Variants in OR51B5 observed in about 807,000 individuals in gnomAD.
OR51B5 encodes olfactory receptor 51B5.
For synonymous variants in OR51B5, 186 were observed against 144.8 expected (o/e 1.28, Z -2.04); for missense variants, 456 against 374.6 (o/e 1.22, Z -1.79).
chr11:5,459,803 A>G (rs903945394), intron 1 of OR51B5, among the ~76,000 whole-genome samples: 1 of 152,206 alleles, frequency 6.6e-6, no homozygotes, highest in Non-Finnish European at 1.5e-5. Flanking sequence ...TAGTTCAACC[A>G]TTGTGGAAAG....
chr11:5,422,233 C>T (rs780102596), intron 1 of OR51B5: 9 of 1,612,654 alleles, frequency 5.6e-6, no homozygotes, highest in African/African-American at 2.7e-5. Flanking sequence ...CACAAGAAGG[C>T]ATCTACTTCA....
chr11:5,455,420 T>C (rs1850936998), intron 1 of OR51B5: 1 of 151,940 alleles, frequency 6.6e-6, no homozygotes, highest in African/African-American at 2.4e-5. Context: ...AAATAATTCT[T>C]TCAGACCTTC....
chr11:5,383,244 G>A (rs1294621145), intron 1 of OR51B5, among the ~76,000 whole-genome samples: 1 of 152,146 alleles, frequency 6.6e-6, no homozygotes, highest in Non-Finnish European at 1.5e-5. Context: ...ACACTGACCT[G>A]GACATTTGTT....
intron 1 of OR51B5, among the ~76,000 whole-genome samples, chr11:5,492,525 T>C (rs1851595887): frequency 6.6e-6 from 1 of 152,166 alleles, no homozygotes; most frequent in Non-Finnish European, 1.5e-5. Context: ...GAGTTGGAAC[T>C]TAATTGGTCC....
chr11:5,375,129 G>C (rs1353807900), intron 1 of OR51B5, among the ~76,000 whole-genome samples: 1 of 148,648 alleles, frequency 6.7e-6, no homozygotes, highest in Non-Finnish European at 1.5e-5. Flanking sequence ...ACTAACAGCA[G>C]CTCTCTTGGC....
intron 1 of OR51B5, among the ~76,000 whole-genome samples, chr11:5,364,757 G>A (rs540853009): frequency 6.6e-6 from 1 of 152,126 alleles, no homozygotes; most frequent in Non-Finnish European, 1.5e-5. Context: ...AAAGTCCCTT[G>A]TTTACAGGGT....
At chr11:5,500,052 A>G (rs569242477) in intron 1 of OR51B5, among the ~76,000 whole-genome samples, 1 of 152,340 alleles carries the variant, frequency 6.6e-6, no homozygotes, top group East Asian at 1.9e-4. Flanking sequence ...TGAGCTCACA[A>G]TCCCGGCCCT....
chr11:5,391,817 G>A (rs1425314776), intron 1 of OR51B5: 1 of 152,302 alleles, frequency 6.6e-6, no homozygotes, highest in Non-Finnish European at 1.5e-5. Flanking sequence ...CTGAAGGCCA[G>A]GAGTTTGAGA....
chr11:5,410,906 T>G (rs1468113030), intron 1 of OR51B5, among the ~76,000 whole-genome samples: 2 of 151,332 alleles, frequency 1.3e-5, no homozygotes, highest in African/African-American at 4.8e-5. Context: ...AAGAAAAAAA[T>G]ATTTCTGTAC....
chr11:5,468,698 T>C (rs1445866545), intron 1 of OR51B5: 1 of 456,464 alleles, frequency 2.2e-6, no homozygotes, highest in Admixed American at 2.3e-5. Context: ...CACACATGTG[T>C]TGAGTGTCTT....
At chr11:5,342,808 A>G (rs1215226151) in exon 1 of OR51B5, 2 of 1,613,524 alleles carry the variant, frequency 1.2e-6, no homozygotes, top group Non-Finnish European at 1.7e-6. Flanking sequence ...TATGGGAGAC[A>G]CAGGTAATGA....
At chr11:5,386,024 C>G (rs1849690344) in intron 1 of OR51B5, among the ~76,000 whole-genome samples, 1 of 151,440 alleles carries the variant, frequency 6.6e-6, no homozygotes. Flanking sequence ...TAGTACATTA[C>G]AGGTACTACG....
intron 1 of OR51B5, among the ~76,000 whole-genome samples, chr11:5,358,303 A>C (rs1040183717): frequency 5.9e-5 from 9 of 152,238 alleles, no homozygotes; most frequent in Middle Eastern, 3.4e-3. Context: ...AAAAATGATA[A>C]AGGGTATATC....
At chr11:5,422,372 C>T (rs751404953) in intron 1 of OR51B5, 5 of 1,614,006 alleles carry the variant, frequency 3.1e-6, no homozygotes, top group South Asian at 2.2e-5. Flanking sequence ...GCCATCTGTC[C>T]ACCAGCGCAT....
chr11:5,488,517 GA>G (rs1851528793), intron 1 of OR51B5, among the ~76,000 whole-genome samples: 5 of 152,144 alleles, frequency 3.3e-5, no homozygotes, highest in African/African-American at 4.8e-5. Context: ...GAAATTAGCA[GA>G]AGGTTTTAAA....
At chr11:5,395,274 A>C (rs1157553244) in intron 1 of OR51B5, among the ~76,000 whole-genome samples, 1 of 152,216 alleles carries the variant, frequency 6.6e-6, no homozygotes, top group African/African-American at 2.4e-5. Flanking sequence ...TCCTGAGTCA[A>C]ATGGAAGATG....
At chr11:5,429,247 T>C (rs992849761) in intron 1 of OR51B5, among the ~76,000 whole-genome samples, 1 of 152,154 alleles carries the variant, frequency 6.6e-6, no homozygotes, top group Non-Finnish European at 1.5e-5. Flanking sequence ...GGAGACTGGT[T>C]TGAGTAATAA....
At chr11:5,423,145 T>C in intron 1 of OR51B5, 1 of 1,592,694 alleles carries the variant, frequency 6.3e-7, no homozygotes, top group African/African-American at 1.3e-5. Context: ...AAAATATGCA[T>C]TCAAGATGAG....
chr11:5,447,611 T>C (rs926505047), intron 1 of OR51B5, among the ~76,000 whole-genome samples: 2 of 152,174 alleles, frequency 1.3e-5, no homozygotes, highest in Non-Finnish European at 2.9e-5. Context: ...TTCTATACCA[T>C]TTTTTGTGAT....
Sources: gnomAD v4.1 joint callset for allele counts (sites outside exome capture counted in the v4.1 genomes callset) on GRCh38, gnomAD v4.1.1 for gene constraint, MANE v1.5 for transcripts, NCBI Gene and HGNC (gene_info 2026-07-23, HGNC 2026-07-21) for gene names.